Variants in ARHGAP42 observed in about 807,000 individuals in gnomAD.
The protein encoded by ARHGAP42 is rho GTPase-activating protein 42.
ARHGAP42 carries 63 observed loss-of-function variants against 125.0 expected under a neutral mutation model. The observed-to-expected ratio is 0.50, with a 90% confidence interval of 0.41 to 0.62. The LOEUF (loss-of-function observed/expected upper bound fraction) is 0.62, where lower values mean the gene tolerates loss of function less well. Ranked by LOEUF, ARHGAP42 falls within the 20% of genes least tolerant of loss-of-function variation. The pLI, the probability that ARHGAP42 is intolerant of heterozygous loss-of-function variation, is 0.00. For synonymous variants in ARHGAP42, 339 were observed against 351.0 expected (o/e 0.97, Z 0.38); for missense variants, 766 against 1,024.2 (o/e 0.75, Z 3.44).
intron 1 of ARHGAP42, among the ~76,000 whole-genome samples, chr11:100,732,757 G>C (rs956948909): frequency 6.6e-6 from 1 of 152,136 alleles, no homozygotes; most frequent in African/African-American, 2.4e-5. Flanking sequence ...ATTCATTTAA[G>C]GGCTAGTAGC....
At chr11:100,980,743 G>T (rs1432675632) in intron 22 of ARHGAP42, among the ~76,000 whole-genome samples, 1 of 146,238 alleles carries the variant, frequency 6.8e-6, no homozygotes, top group Admixed American at 7.1e-5. Context: ...GCTAATTTTT[G>T]TAATTTTAGT....
At chr11:100,977,779 C>T (rs1052075435) in intron 21 of ARHGAP42, among the ~76,000 whole-genome samples, 6 of 152,104 alleles carry the variant, frequency 3.9e-5, no homozygotes, top group Non-Finnish European at 8.8e-5. Flanking sequence ...GCTTTTCTAC[C>T]GTTTCCAACC....
chr11:100,812,651 T>C (rs1375100319), intron 3 of ARHGAP42, among the ~76,000 whole-genome samples: 1 of 152,070 alleles, frequency 6.6e-6, no homozygotes, highest in Non-Finnish European at 1.5e-5. Flanking sequence ...CTTGGGAAAA[T>C]GCTTTTCAGG....
intron 22 of ARHGAP42, among the ~76,000 whole-genome samples, chr11:100,979,533 C>T (rs1301002561): frequency 6.6e-6 from 1 of 152,044 alleles, no homozygotes; most frequent in East Asian, 1.9e-4. Flanking sequence ...TTTTACATTC[C>T]ATTCCATTAT....
chr11:100,922,327 G>A (rs533555658), intron 6 of ARHGAP42, among the ~76,000 whole-genome samples: 3 of 152,074 alleles, frequency 2.0e-5, no homozygotes, highest in East Asian at 1.9e-4. Flanking sequence ...TGTAAACCGC[G>A]TTACAGAAAA....
In ARHGAP42 at chr11:100,960,090, T is replaced by A. The variant is rs755102756; in HGVS notation, c.1225+145T>A. 117 of 698,424 alleles carry A rather than the reference T, an allele frequency of 1.7e-4. 1 individual carries two copies. Among genetic ancestry groups the A allele is most frequent in the Non-Finnish European group, 2.5e-4 (106 of 426,434 alleles). The allele number at this position is 698,424 out of a possible 1,614,324, so 43.3% of individuals were successfully genotyped here. A position where few individuals can be genotyped will look rare whatever the true frequency, so the allele number is the denominator to read the frequency against. ...AGTAATATAAATGTATGTATCGGTA[T>A]ACAAATAGCTATACCTTGAGCTTCA... On this transcript the variant is annotated intron_variant, in intron 13 of 23. Transcript: ENST00000298815.
intron 1 of ARHGAP42, among the ~76,000 whole-genome samples, chr11:100,734,044 C>T (rs1333260674): frequency 9.1e-5 from 13 of 143,532 alleles, no homozygotes; most frequent in African/African-American, 2.8e-4. Flanking sequence ...AAGCGATTCT[C>T]CTGCCTCAGC....
At position 100,761,225 on chromosome 11, in the gene ARHGAP42, G is replaced by A. The variant is rs76212478; in HGVS notation, c.155-9118G>A. Among the ~76,000 whole-genome samples, 307 of 152,298 alleles carry A rather than the reference G, an allele frequency of 2.0e-3. 2 individuals carry two copies. In the South Asian group the frequency reaches 0.023, roughly 11 times the overall value. The stretch of plus-strand genomic sequence containing the variant: ...ACCACTTAGGAGTGGTTTGCGTAGA[G>A]ATAACACAGACAGTACTTTACAAAG... On this transcript the variant is annotated intron_variant, in intron 1 of 23. Coordinates refer to ENST00000298815, the MANE Select transcript of ARHGAP42 (RefSeq NM_152432.4).
chr11:100,939,842 A>T (rs7116749), intron 8 of ARHGAP42, among the ~76,000 whole-genome samples: 5,931 of 152,214 alleles, frequency 0.039, 287 homozygotes, highest in African/African-American at 0.12. Context: ...GAGGTCCTGA[A>T]CTTCAGATGG....
chr11:100,951,501 G>A (rs1214938114), intron 12 of ARHGAP42, among the ~76,000 whole-genome samples: 3 of 152,096 alleles, frequency 2.0e-5, no homozygotes, highest in African/African-American at 7.2e-5. Context: ...TGCACTATAA[G>A]GTTAGTCCTT....
chr11:100,762,686 C>A (rs780615134), intron 1 of ARHGAP42, among the ~76,000 whole-genome samples: 1 of 152,092 alleles, frequency 6.6e-6, no homozygotes, highest in African/African-American at 2.4e-5. Context: ...TTTTTACTGG[C>A]AAATTTTCAT....
intron 4 of ARHGAP42, among the ~76,000 whole-genome samples, chr11:100,875,745 G>T (rs2135167240): frequency 1.5e-5 from 2 of 130,820 alleles, no homozygotes; most frequent in African/African-American, 5.9e-5. Context: ...GAGGGACATG[G>T]CCACGTCCAG....
chr11:100,949,984 T>G (rs1268023097), intron 12 of ARHGAP42, 28 bp downstream of exon 12: 1 of 1,343,306 alleles, frequency 7.4e-7, no homozygotes, highest in Admixed American at 2.1e-5. Context: ...TTATTTAAAA[T>G]TTTATCATGA....
chr11:100,763,109 A>G (rs919579388), intron 1 of ARHGAP42, among the ~76,000 whole-genome samples: 62 of 150,112 alleles, frequency 4.1e-4, no homozygotes, highest in African/African-American at 1.4e-3. Context: ...CCTCCCGAGT[A>G]TCTGGGATAC....
intron 3 of ARHGAP42, chr11:100,839,535 C>T (rs1864893396): frequency 6.6e-6 from 1 of 152,190 alleles, no homozygotes; most frequent in Non-Finnish European, 1.5e-5. Context: ...AGAGTAAAAG[C>T]ACCATTGCCC....
intron 22 of ARHGAP42, among the ~76,000 whole-genome samples, chr11:100,984,123 A>C (rs1047313516): frequency 1.8e-4 from 27 of 151,916 alleles, no homozygotes; most frequent in Non-Finnish European, 3.2e-4. Flanking sequence ...TCTAAAAAAA[A>C]AAAAAGCAAA....
In ARHGAP42 at chr11:100,921,550, T is replaced by C; in HGVS notation, c.543T>C (p.Tyr181=). ...ACTTCTATGAAGCATCATTAGAATATGTCTTTAAAATTCAAGAGGTCCAAG... is the reference window on the plus strand; with the variant it reads ...ACTTCTATGAAGCATCATTAGAATACGTCTTTAAAATTCAAGAGGTCCAAG... ...HQNFYEASLE[Y]VFKIQEVQEK... Residue 181 remains tyrosine, a synonymous_variant, in exon 6 of 24, where the codon TAT becomes TAC. Coordinates refer to ENST00000298815, the MANE Select transcript of ARHGAP42 (RefSeq NM_152432.4). The C allele has an allele frequency of 1.3e-6, 2 of 1,547,400 alleles. No individual in the cohort carries two copies. The highest frequency in any genetic ancestry group is 1.7e-6 in the Non-Finnish European group (2 of 1,145,268).
At chr11:100,843,336 CA>C (rs545754052) in intron 3 of ARHGAP42, among the ~76,000 whole-genome samples, 23 of 150,456 alleles carry the variant, frequency 1.5e-4, no homozygotes, top group Middle Eastern at 6.9e-3. Context: ...AAATTACCAA[CA>C]AAAAAAAAGT....
intron 7 of ARHGAP42, among the ~76,000 whole-genome samples, chr11:100,935,016 A>G (rs2135263106): frequency 6.6e-6 from 1 of 152,282 alleles, no homozygotes; most frequent in Non-Finnish European, 1.5e-5. Context: ...AAATTACATT[A>G]AGATTCCTAG....
Sources: gnomAD v4.1 joint callset for allele counts (sites outside exome capture counted in the v4.1 genomes callset) on GRCh38, gnomAD v4.1.1 for gene constraint, MANE v1.5 for transcripts, NCBI Gene and HGNC (gene_info 2026-07-23, HGNC 2026-07-21) for gene names.